TEX38: variants seen among roughly 807,000 people sequenced by gnomAD.
The protein encoded by TEX38 is testis-expressed protein 38.
Under a neutral mutation model 2.7 loss-of-function variants are expected in TEX38, and 5 were observed. The observed-to-expected ratio is 1.86, with a 90% CI of 0.97 to 3.90. The LOEUF (loss-of-function observed/expected upper bound fraction) is 3.90. Among genes scored for constraint, TEX38 ranks in the 30% most tolerant of loss-of-function variants. The probability of loss-of-function intolerance (pLI) is 0.00; values close to 1 mark genes in which losing one functional copy is unlikely to be tolerated. For missense variants in TEX38, 218 were observed against 247.9 expected (o/e 0.88, Z 0.81); for synonymous variants, 110 against 103.3 (o/e 1.06, Z -0.39).
upstream of TEX38, among the ~76,000 whole-genome samples, chr1:46,671,285 C>T (rs991918669): frequency 4.6e-5 from 7 of 151,878 alleles, no homozygotes; most frequent in South Asian, 2.1e-4. Flanking sequence ...GTGTGGAGGA[C>T]GAGGAGGGAA....
chr1:46,672,287 C>G (rs1676597028), intron 1 of TEX38, among the ~76,000 whole-genome samples: 1 of 151,504 alleles, frequency 6.6e-6, no homozygotes, highest in South Asian at 2.1e-4. Flanking sequence ...CTCTGTTGCC[C>G]CGGCTGGAGT....
upstream of TEX38, chr1:46,669,340 G>A: frequency 2.2e-6 from 1 of 453,664 alleles, no homozygotes. Flanking sequence ...CCTGCCCTGT[G>A]CGAGGAACAG....
At chr1:46,669,514 C>T (rs754600517), upstream of TEX38, 11 of 455,988 alleles carry the variant, frequency 2.4e-5, no homozygotes, top group Admixed American at 2.1e-4. Flanking sequence ...GACAACCCCT[C>T]CATCTCTTTA....
At chr1:46,669,550 C>A (rs1195567323), upstream of TEX38, 6 of 455,220 alleles carry the variant, frequency 1.3e-5, no homozygotes. Context: ...CACTCTATTG[C>A]ATTCTCTTTA....
upstream of TEX38, among the ~76,000 whole-genome samples, chr1:46,669,879 G>C (rs1569652742): frequency 6.6e-6 from 1 of 152,218 alleles, no homozygotes; most frequent in East Asian, 1.9e-4. Context: ...GGGAGGGCTA[G>C]TTAGATTGCT....
chr1:46,673,362 C>A lies in TEX38; in HGVS notation c.527C>A (p.Thr176Asn). ...CACTCTGTCTCCTATCCTTTGGCCACCTGTCCTGAAAGGAATGTTCTCTTC... is the reference window on the plus strand; with the variant it reads ...CACTCTGTCTCCTATCCTTTGGCCAACTGTCCTGAAAGGAATGTTCTCTTC... ...LNHSVSYPLA[T>N]CPERNVLFHS... The change falls in exon 2 of 2, where the codon ACC (threonine) becomes AAC (asparagine). Residue 176 changes from threonine to asparagine, a missense_variant. Transcript: ENST00000334122. 1 of 1,551,904 alleles carries A rather than the reference C, an allele frequency of 6.4e-7. No individual in the cohort carries two copies. Among genetic ancestry groups the A allele is most frequent in the South Asian group, 1.2e-5 (1 of 84,064 alleles).
In TEX38 at chr1:46,672,382, C is replaced by A. The variant is rs553451299; in HGVS notation, c.37+411C>A. On this transcript the variant is annotated intron_variant, in intron 1 of 1. Transcript: ENST00000334122. ...GCCTCAGCCTCTGAAGTAGCTGGGACTGCAGGCATGCACCACCACACCTGG... is the reference window on the plus strand; with the variant it reads ...GCCTCAGCCTCTGAAGTAGCTGGGAATGCAGGCATGCACCACCACACCTGG... 1.3e-3 allele frequency among the ~76,000 whole-genome samples: 204 copies of A among 152,158 alleles called. 1 individual carries two copies. Among genetic ancestry groups the A allele is most frequent in the Non-Finnish European group, 1.5e-3 (104 of 67,996 alleles).
Position 46,673,490 on chromosome 1 carries a change from C to A in TEX38, c.*34C>A. On this transcript the variant is annotated 3_prime_UTR_variant, in exon 2 of 2. Transcript: ENST00000334122. ...CACTGAAGGTGGGAGCTGCAGGAATCAGGTGCAGAGTAGGAAATGGAACTA... is the reference window on the plus strand; with the variant it reads ...CACTGAAGGTGGGAGCTGCAGGAATAAGGTGCAGAGTAGGAAATGGAACTA... The A allele has an allele frequency of 6.6e-7, 1 of 1,506,790 alleles. No homozygotes were observed. The allele number at this position is 1,506,790 out of a possible 1,614,324, so 93.3% of individuals were successfully genotyped here.
Position 46,671,987 on chromosome 1 carries a change from G to A in TEX38, c.37+16G>A. Reference sequence around the variant, plus strand: ...TTCCCTGGGAGTAAGTGCTCCTCCAGTCCCTGTCACTGGACTTGTGCCTTA... The same window carrying A: ...TTCCCTGGGAGTAAGTGCTCCTCCAATCCCTGTCACTGGACTTGTGCCTTA... On this transcript the variant is annotated intron_variant, in intron 1 of 1. Transcript: ENST00000334122. 2 of 1,520,130 alleles carry A rather than the reference G, an allele frequency of 1.3e-6. No individual in the cohort carries two copies. Among genetic ancestry groups the A allele is most frequent in the South Asian group, 2.5e-5 (2 of 78,522 alleles). The allele number at this position is 1,520,130 out of a possible 1,614,324, so 94.2% of individuals were successfully genotyped here. A position where few individuals can be genotyped will look rare whatever the true frequency, so the allele number is the denominator to read the frequency against.
In TEX38 at chr1:46,673,086, G is replaced by A. The variant is rs1438862089; in HGVS notation, c.251G>A (p.Gly84Asp). 1 of 1,551,748 alleles carries A rather than the reference G, an allele frequency of 6.4e-7. No homozygotes were observed. Among genetic ancestry groups the A allele is most frequent in the South Asian group, 1.2e-5 (1 of 84,060 alleles). Reference protein sequence around the residue: ...RYGMNAAINTGPAPAVTKTET... With the variant: ...RYGMNAAINTDPAPAVTKTET... ...GGCATGAATGCAGCCATCAACACGG[G>A]CCCTGCCCCTGCTGTCACCAAGACT... Residue 84 changes from glycine to aspartate, a missense_variant, in exon 2 of 2, where the codon GGC becomes GAC. By Grantham distance (94) the Gly-to-Asp change is moderately conservative. Transcript: ENST00000334122.
At chr1:46,669,848 A>G (rs1008825529), upstream of TEX38, among the ~76,000 whole-genome samples, 10 of 152,214 alleles carry the variant, frequency 6.6e-5, no homozygotes, top group Admixed American at 2.0e-4. Context: ...ACAGCAGCAG[A>G]AATGAGACCA....
Position 46,673,027 on chromosome 1 carries a change from A to G in TEX38, c.192A>G (p.Pro64=). The G allele has an allele frequency of 1.3e-6, 2 of 1,551,608 alleles. No individual in the cohort carries two copies. Among genetic ancestry groups the G allele is most frequent in the Non-Finnish European group, 1.7e-6 (2 of 1,146,928 alleles). The change falls in exon 2 of 2, where the codon CCA becomes CCG. Residue 64 remains proline, a synonymous_variant. Transcript: ENST00000334122. ...VMRAATFTYS[P]LLYWINKRRR... is the part of the protein sequence containing the mutation. ...GAGCTGCCACATTCACCTACAGCCC[A>G]TTGTTGTACTGGATTAACAAGCGAC...
intron 1 of TEX38, 79 bp downstream of exon 1, chr1:46,672,050 T>C: frequency 1.4e-6 from 2 of 1,403,464 alleles, no homozygotes; most frequent in Non-Finnish European, 9.5e-7. Flanking sequence ...GCCCTTTGCA[T>C]GGATGGGACA....
At chr1:46,671,021 G>T (rs1676573979), upstream of TEX38, among the ~76,000 whole-genome samples, 1 of 152,146 alleles carries the variant, frequency 6.6e-6, no homozygotes, top group Non-Finnish European at 1.5e-5. Context: ...GTCAAGCATG[G>T]CCCTGATGGT....
Position 46,672,856 on chromosome 1 carries a change from C to T in TEX38, c.38-17C>T, listed in dbSNP as rs1162126298. 3 of 1,536,016 alleles carry T rather than the reference C, an allele frequency of 2.0e-6. No homozygotes were observed. Among genetic ancestry groups the T allele is most frequent in the Admixed American group, 4.1e-5 (2 of 49,168 alleles). ...GCTATCAGCCAGCATGCCTCTTTTT[C>T]TTTCTTGCTGCCTTAGTGTGGGTCT... On this transcript the variant is annotated splice_polypyrimidine_tract_variant and intron_variant, in intron 1 of 1. Transcript: ENST00000334122.
At chr1:46,671,741 C>T (rs1251405644), upstream of TEX38, 8 of 633,440 alleles carry the variant, frequency 1.3e-5, no homozygotes, top group African/African-American at 1.3e-4. Context: ...CTTCCATTAA[C>T]CCAGGACCAC....
At chr1:46,669,601 TATTAA>T, upstream of TEX38, 1 of 428,006 alleles carries the variant, frequency 2.3e-6, no homozygotes, top group Non-Finnish European at 4.7e-6. Flanking sequence ...TCCTTGTTTA[TATTAA>T]TTCATTGAGC....
In TEX38 at chr1:46,672,871, A is replaced by T. The variant is rs989492461; in HGVS notation, c.38-2A>T. On this transcript the variant is annotated splice_acceptor_variant, in intron 1 of 1. Transcript: ENST00000334122. LOFTEE classifies it high-confidence loss of function. ...GCCTCTTTTTCTTTCTTGCTGCCTTAGTGTGGGTCTCATTGTACTTTGGAA... is the reference window on the plus strand; with the variant it reads ...GCCTCTTTTTCTTTCTTGCTGCCTTTGTGTGGGTCTCATTGTACTTTGGAA... 10 of 1,547,826 alleles carry T rather than the reference A, an allele frequency of 6.5e-6. No homozygotes were observed. The highest frequency in any genetic ancestry group is 8.7e-6 in the Non-Finnish European group (10 of 1,144,414).
chr1:46,669,561 T>C (rs763830767), upstream of TEX38: 67 of 449,250 alleles, frequency 1.5e-4, no homozygotes, highest in Admixed American at 8.6e-4. Context: ...ATTCTCTTTA[T>C]AGCAGTTATC....
Sources: allele counts gnomAD v4.1 joint callset (sites outside exome capture counted in the v4.1 genomes callset), GRCh38; gene constraint gnomAD v4.1.1; transcripts MANE v1.5; gene names NCBI Gene and HGNC (gene_info 2026-07-23, HGNC 2026-07-21).